The following ANKRD30A variants were observed in gnomAD, a reference collection of about 807,000 sequenced individuals.
ANKRD30A encodes the protein ankyrin repeat domain 30A.
A neutral mutation model predicts 166.3 loss-of-function variants in ANKRD30A; 170 were observed. The ratio of observed to expected loss-of-function variants is 1.02; its 90% CI spans 0.90 to 1.16. The LOEUF (loss-of-function observed/expected upper bound fraction) is 1.16, where lower values mean the gene tolerates loss of function less well. ANKRD30A is among the 50% of genes most tolerant of loss of function. The pLI is 0.00. For synonymous variants in ANKRD30A, 564 were observed against 508.9 expected, an observed-to-expected ratio of 1.11 and a Z score of -1.46; for missense variants, 1,630 against 1,518.0, an observed-to-expected ratio of 1.07 and a Z score of -1.23.
chr10:37,195,906 A>T (rs1390831371), intron 27 of ANKRD30A, among the ~76,000 whole-genome samples: 1 of 152,114 alleles, frequency 6.6e-6, no homozygotes, highest in Non-Finnish European at 1.5e-5. Flanking sequence ...GGGTCAAGAG[A>T]ATGCATTATA....
At chr10:37,218,149 C>A (rs1468886187) in intron 33 of ANKRD30A, among the ~76,000 whole-genome samples, 1 of 150,912 alleles carries the variant, frequency 6.6e-6, no homozygotes. Flanking sequence ...TTGTTCCTAG[C>A]AACATAGTTT....
intron 9 of ANKRD30A, among the ~76,000 whole-genome samples, chr10:37,147,678 C>A (rs899506737): frequency 1.3e-5 from 2 of 151,966 alleles, no homozygotes; most frequent in African/African-American, 4.8e-5. Flanking sequence ...ATCCAAGATA[C>A]TCTAGGACAT....
At chr10:37,137,586 A>C (rs922990859) in intron 6 of ANKRD30A, among the ~76,000 whole-genome samples, 11 of 152,186 alleles carry the variant, frequency 7.2e-5, no homozygotes, top group Non-Finnish European at 2.9e-5. Context: ...TATCCCGAGC[A>C]TGGCTCAGAG....
chr10:37,213,526 T>A (rs2132726069), intron 31 of ANKRD30A, among the ~76,000 whole-genome samples: 1 of 151,322 alleles, frequency 6.6e-6, no homozygotes, highest in Middle Eastern at 3.5e-3. Context: ...TTTCCTCTGC[T>A]TCCACTGAGT....
chr10:37,199,702 T>G (rs765379164), intron 29 of ANKRD30A, 25 bp from the exon 30 acceptor site: 4 of 1,438,788 alleles, frequency 2.8e-6, no homozygotes, highest in Non-Finnish European at 3.9e-6. Context: ...TTCTCATGAA[T>G]GTATCTGTGA....
intron 25 of ANKRD30A, among the ~76,000 whole-genome samples, chr10:37,191,248 A>C (rs962416247): frequency 2.0e-4 from 31 of 151,768 alleles, no homozygotes; most frequent in African/African-American, 6.8e-4. Flanking sequence ...AAATGTTGGC[A>C]TACTATTCCA....
intron 4 of ANKRD30A, among the ~76,000 whole-genome samples, chr10:37,132,788 A>G (rs1836456816): frequency 6.6e-6 from 1 of 152,182 alleles, no homozygotes; most frequent in Admixed American, 6.5e-5. Flanking sequence ...ACTTGAGGCC[A>G]GGAGTTTGAG....
chr10:37,183,949 C>T (rs1344334632), intron 24 of ANKRD30A, among the ~76,000 whole-genome samples: 5 of 151,252 alleles, frequency 3.3e-5, no homozygotes, highest in Admixed American at 6.6e-5. Flanking sequence ...GAGATCGAGA[C>T]CATCCTGACT....
At chr10:37,136,549 G>T (rs1420651703) in intron 5 of ANKRD30A, 58 bp from the exon 6 acceptor site, 2 of 789,610 alleles carry the variant, frequency 2.5e-6, no homozygotes, top group Non-Finnish European at 2.0e-6. Flanking sequence ...TTTGGTAAAT[G>T]TTTTTTATAA....
chr10:37,230,061 G>C (rs1843350783), intron 34 of ANKRD30A, among the ~76,000 whole-genome samples: 1 of 151,846 alleles, frequency 6.6e-6, no homozygotes, highest in African/African-American at 2.4e-5. Context: ...GCACTTAAGA[G>C]AGCATGATAT....
chr10:37,195,590 C>A (rs1841009095), intron 27 of ANKRD30A, among the ~76,000 whole-genome samples: 2 of 152,096 alleles, frequency 1.3e-5, no homozygotes, highest in South Asian at 4.1e-4. Flanking sequence ...AAGATAGTTA[C>A]ACATATTTAT....
At chr10:37,245,971 C>T in the ANKRD30A span, among the ~76,000 whole-genome samples, 1 of 152,108 alleles carries the variant, frequency 6.6e-6, no homozygotes, top group South Asian at 2.1e-4. Flanking sequence ...GCAAGAATAG[C>T]CTGTCATATC....
At chr10:37,150,962 G>A (rs563743663) in intron 11 of ANKRD30A, among the ~76,000 whole-genome samples, 3 of 150,734 alleles carry the variant, frequency 2.0e-5, no homozygotes, top group African/African-American at 4.9e-5. Flanking sequence ...TCTCTGAAAC[G>A]ATCCAGGGTA....
At chr10:37,159,715 G>C (rs1299550360) in intron 15 of ANKRD30A, among the ~76,000 whole-genome samples, 1 of 151,330 alleles carries the variant, frequency 6.6e-6, no homozygotes, top group Non-Finnish European at 1.5e-5. Context: ...GTTTTGTTTT[G>C]TTTTTGTTTT....
chr10:37,248,724 G>A, the ANKRD30A span, among the ~76,000 whole-genome samples: 61 of 150,514 alleles, frequency 4.1e-4, no homozygotes, highest in African/African-American at 1.5e-3. Flanking sequence ...ATGAAACAGA[G>A]AATCAGCAAA....
chr10:37,205,905 G>A (rs984306146), intron 31 of ANKRD30A, among the ~76,000 whole-genome samples: 33 of 152,258 alleles, frequency 2.2e-4, no homozygotes, highest in African/African-American at 7.9e-4. Flanking sequence ...AAGGTATAGA[G>A]TTTTCATTGA....
chr10:37,201,253 T>G lies in ANKRD30A; in HGVS notation c.2797T>G (p.Ser933Ala). The G allele has an allele frequency of 2.5e-6, 4 of 1,586,662 alleles. No individual in the cohort carries two copies. The highest frequency in any genetic ancestry group is 3.4e-6 in the Non-Finnish European group (4 of 1,169,406). Residue 933 changes from serine (S) to alanine (A), a missense_variant, in exon 31 of 36, where the codon TCA becomes GCA. This residue lies in a region of ANKRD30A where 712 missense variants were observed against 629.3 expected (regional missense o/e 1.13). Coordinates refer to ENST00000361713, the MANE Select transcript of ANKRD30A (RefSeq NM_052997.3). ...WDSESLRETV[S>A]QKDVCVPKAT... is the part of the protein sequence containing the mutation. Reference sequence around the variant, plus strand: ...TTAACAGAGTCTCCGTGAGACTGTTTCACAGAAGGATGTGTGTGTACCCAA... The same window carrying G: ...TTAACAGAGTCTCCGTGAGACTGTTGCACAGAAGGATGTGTGTGTACCCAA...
At chr10:37,214,052 G>A (rs1842480320) in intron 31 of ANKRD30A, among the ~76,000 whole-genome samples, 1 of 151,516 alleles carries the variant, frequency 6.6e-6, no homozygotes, top group African/African-American at 2.4e-5. Context: ...TTCTTTTGCA[G>A]TTCTATCTTT....
the ANKRD30A span, among the ~76,000 whole-genome samples, chr10:37,238,045 A>G: frequency 6.6e-6 from 1 of 152,156 alleles, no homozygotes; most frequent in Non-Finnish European, 1.5e-5. Context: ...TCTACAGCCA[A>G]TAATAATAAT....
Sources: gnomAD v4.1 joint callset for allele counts (sites outside exome capture counted in the v4.1 genomes callset) on GRCh38, gnomAD v4.1.1 for gene constraint, gnomAD v4.1.1 regional missense constraint, MANE v1.5 for transcripts, NCBI Gene and HGNC (gene_info 2026-07-23, HGNC 2026-07-21) for gene names.